Variants in ABLIM1 observed in about 807,000 individuals in gnomAD.
ABLIM1 encodes the protein actin binding LIM protein 1.
Under a neutral mutation model 107.0 loss-of-function variants are expected in ABLIM1, and 40 were observed. The ratio of observed to expected loss-of-function variants is 0.37; its 90% confidence interval spans 0.29 to 0.49. The LOEUF (loss-of-function observed/expected upper bound fraction) is 0.49, where lower values mean the gene tolerates loss of function less well. Ranked by LOEUF, ABLIM1 falls within the 20% of genes least tolerant of loss-of-function variation. The pLI is 0.97. For missense variants in ABLIM1, 857 were observed against 1,008.5 expected, an observed-to-expected ratio of 0.85 and a Z score of 2.04; for synonymous variants, 357 against 357.3, an observed-to-expected ratio of 1.00 and a Z score of 0.01.
At chr10:114,658,288 CCTTA>C (rs543395914), upstream of ABLIM1, 330 of 1,515,556 alleles carry the variant, frequency 2.2e-4, 3 homozygotes, top group South Asian at 4.2e-3. Context: ...TCCCCTGGCT[CCTTA>C]CTGTCTCCTT....
intron 1 of ABLIM1, among the ~76,000 whole-genome samples, chr10:114,736,918 G>A (rs2082191884): frequency 6.6e-6 from 1 of 152,182 alleles, no homozygotes; most frequent in East Asian, 1.9e-4. Context: ...GCCCAGCGCG[G>A]TGGCTCAAGC....
chr10:114,607,355 C>T (rs977480439), intron 1 of ABLIM1, among the ~76,000 whole-genome samples: 3 of 152,344 alleles, frequency 2.0e-5, no homozygotes, highest in East Asian at 1.9e-4. Flanking sequence ...CCACCGCGCC[C>T]GGCCTCTGGC....
chr10:114,575,314 T>C, intron 3 of ABLIM1, 102 bp downstream of exon 3: 1 of 1,286,660 alleles, frequency 7.8e-7, no homozygotes, highest in Non-Finnish European at 1.1e-6. Context: ...TAAGAGTATG[T>C]GCTACTCAAG....
At chr10:114,510,491 A>G (rs1265862014) in intron 6 of ABLIM1, among the ~76,000 whole-genome samples, 1 of 152,040 alleles carries the variant, frequency 6.6e-6, no homozygotes, top group African/African-American at 2.4e-5. Flanking sequence ...CTTGGGAACA[A>G]GGACATTGTC....
At chr10:114,746,316 A>G (rs1009827976) in intron 1 of ABLIM1, among the ~76,000 whole-genome samples, 2 of 152,228 alleles carry the variant, frequency 1.3e-5, no homozygotes, top group Non-Finnish European at 2.9e-5. Context: ...TTTAGATTCC[A>G]CATATAAGCA....
At chr10:114,767,518 C>G (rs935920163) in intron 1 of ABLIM1, among the ~76,000 whole-genome samples, 4 of 151,960 alleles carry the variant, frequency 2.6e-5, no homozygotes, top group African/African-American at 9.7e-5. Context: ...TTTCTTCCAC[C>G]CATTTCACCT....
chr10:114,441,951 G>C (rs2139200685), intron 17 of ABLIM1, among the ~76,000 whole-genome samples, 165 bp from the exon 18 acceptor site: 1 of 152,212 alleles, frequency 6.6e-6, no homozygotes, highest in South Asian at 2.1e-4. Flanking sequence ...GCAAGGAGTG[G>C]GTGGACAGTG....
chr10:114,439,596 T>C (rs1314132226), intron 20 of ABLIM1: 1 of 400,792 alleles, frequency 2.5e-6, no homozygotes, highest in East Asian at 5.3e-5. Flanking sequence ...TTTCTTCTTT[T>C]CTTATTCTCC....
chr10:114,593,418 G>T (rs1190816716), intron 2 of ABLIM1, among the ~76,000 whole-genome samples: 1 of 152,182 alleles, frequency 6.6e-6, no homozygotes, highest in Non-Finnish European at 1.5e-5. Context: ...CAGGCAGCAT[G>T]AGTTTTGTAT....
intron 1 of ABLIM1, among the ~76,000 whole-genome samples, chr10:114,763,408 A>AT (rs34533222): frequency 0.69 from 103,642 of 151,228 alleles, 35,680 homozygotes; most frequent in Non-Finnish European, 0.72. Context: ...ATTGATAGTG[A>AT]TTTTTTTTTG....
At chr10:114,625,263 G>A (rs1343224385) in intron 1 of ABLIM1, among the ~76,000 whole-genome samples, 2 of 152,168 alleles carry the variant, frequency 1.3e-5, no homozygotes, top group African/African-American at 4.8e-5. Context: ...TCGCACACAT[G>A]AGGAATTATT....
intron 1 of ABLIM1, among the ~76,000 whole-genome samples, chr10:114,652,232 CA>C (rs1362955062): frequency 1.3e-5 from 2 of 152,330 alleles, no homozygotes; most frequent in East Asian, 3.9e-4. Flanking sequence ...TTTTTGACAA[CA>C]AAGCCATTTG....
chr10:114,689,268 C>T (rs2081016512), upstream of ABLIM1, among the ~76,000 whole-genome samples: 1 of 151,980 alleles, frequency 6.6e-6, no homozygotes, highest in Non-Finnish European at 1.5e-5. Context: ...ACCTGTCTTC[C>T]AAATCTGTAA....
intron 1 of ABLIM1, among the ~76,000 whole-genome samples, chr10:114,666,588 G>A (rs75760028): frequency 2.2e-3 from 341 of 152,262 alleles, no homozygotes; most frequent in African/African-American, 8.1e-3. Context: ...TTCAAATCTT[G>A]GTTTTGCTAC....
chr10:114,513,710 A>G (rs977910051), intron 6 of ABLIM1, among the ~76,000 whole-genome samples: 3 of 152,192 alleles, frequency 2.0e-5, no homozygotes, highest in African/African-American at 7.2e-5. Context: ...GAACCACCAA[A>G]TGAATTCTTA....
chr10:114,576,613 C>G (rs2497747), intron 2 of ABLIM1, among the ~76,000 whole-genome samples: 2 of 151,902 alleles, frequency 1.3e-5, no homozygotes, highest in South Asian at 2.1e-4. Flanking sequence ...TCCCATGACT[C>G]CTTAATTCAT....
chr10:114,549,569 G>A (rs528904733), intron 4 of ABLIM1, among the ~76,000 whole-genome samples: 2 of 151,942 alleles, frequency 1.3e-5, no homozygotes, highest in Admixed American at 6.6e-5. Context: ...ATCTTGGACA[G>A]TGGGTGTTCA....
At chr10:114,705,022 G>T (rs989467262) in intron 1 of ABLIM1, among the ~76,000 whole-genome samples, 2 of 152,110 alleles carry the variant, frequency 1.3e-5, no homozygotes, top group Admixed American at 1.3e-4. Flanking sequence ...TTTAAGAAAG[G>T]GAAGTTCAAG....
rs369610800 is a variant in ABLIM1, at chr10:114,493,592, T to G, written c.895-1714A>C. On this transcript the variant is annotated intron_variant, in intron 6 of 22. Coordinates refer to ENST00000533213, the MANE Select transcript of ABLIM1 (RefSeq NM_002313.7). ...TCACGAATACAAAAATTAAGTCATA[T>G]GGCTAGATAAAAAATTAACATATAA... 4.6e-4 allele frequency among the ~76,000 whole-genome samples: 70 copies of G among 152,314 alleles called. No homozygotes were observed. The Middle Eastern group carries it at 0.01, about 22-fold the overall frequency.
Sources: allele counts gnomAD v4.1 joint callset (sites outside exome capture counted in the v4.1 genomes callset), GRCh38; gene constraint gnomAD v4.1.1; transcripts MANE v1.5; gene names NCBI Gene and HGNC (gene_info 2026-07-23, HGNC 2026-07-21).